Variants in RFX3 observed in about 807,000 individuals in gnomAD.
RFX3 encodes transcription factor RFX3.
In RFX3, 14 loss-of-function variants were observed where a neutral mutation model predicts 98.6. The observed-to-expected ratio is 0.14, with a 90% confidence interval of 0.09 to 0.22. The LOEUF (loss-of-function observed/expected upper bound fraction) is 0.22. RFX3 is among the 10% of genes least tolerant of loss of function. RFX3 has a pLI of 1.00. For synonymous variants in RFX3, 383 were observed against 328.4 expected (o/e 1.17, Z -1.80); for missense variants, 639 against 926.9 (o/e 0.69, Z 4.03).
At chr9:3,229,024 A>G (rs982965903) in intron 15 of RFX3, 135 bp from the exon 16 acceptor site, 1 of 602,146 alleles carries the variant, frequency 1.7e-6, no homozygotes, top group African/African-American at 1.9e-5. Context: ...CTCTAATTAC[A>G]TGGATCACAT....
At chr9:3,266,786 A>T (rs1292262890) in intron 11 of RFX3, among the ~76,000 whole-genome samples, 1 of 152,088 alleles carries the variant, frequency 6.6e-6, no homozygotes, top group East Asian at 1.9e-4. Flanking sequence ...TTTACTTAGA[A>T]TCTGTGAATT....
intron 2 of RFX3, among the ~76,000 whole-genome samples, chr9:3,376,861 C>G (rs1193888251): frequency 3.9e-5 from 6 of 152,148 alleles, no homozygotes; most frequent in Non-Finnish European, 8.8e-5. Context: ...CATCACTGGC[C>G]ATCAGAGAAA....
chr9:3,426,784 C>T (rs1844080093), intron 1 of RFX3, among the ~76,000 whole-genome samples: 1 of 152,190 alleles, frequency 6.6e-6, no homozygotes, highest in Non-Finnish European at 1.5e-5. Context: ...GGGAAACAAA[C>T]TCAGGGCTCC....
intron 7 of RFX3, among the ~76,000 whole-genome samples, chr9:3,285,804 T>A (rs2131553614): frequency 6.6e-6 from 1 of 151,956 alleles, no homozygotes; most frequent in South Asian, 2.1e-4. Context: ...TTATATCATT[T>A]CTGAAATGTC....
At chr9:3,510,054 T>C (rs1238005691) in intron 1 of RFX3, among the ~76,000 whole-genome samples, 1 of 151,970 alleles carries the variant, frequency 6.6e-6, no homozygotes, top group East Asian at 1.9e-4. Context: ...ATTTGGGCCA[T>C]TTGGAAACAT....
rs180736356 is a variant in RFX3, at chr9:3,314,553, C to A, written c.475-12933G>T. On this transcript the variant is annotated intron_variant, in intron 4 of 16. Transcript: ENST00000617270. ...ACCTTAAATGTAAATGGGCCAAATG[C>A]CCCAGTTAAAAGACACAGACTGGCA... Among the ~76,000 whole-genome samples the A allele has an allele frequency of 2.0e-3, 312 of 152,224 alleles. 1 individual carries two copies. The highest frequency in any genetic ancestry group is 7.4e-3 in the African/African-American group (306 of 41,534).
intron 1 of RFX3, among the ~76,000 whole-genome samples, chr9:3,461,922 C>T (rs1448585662): frequency 6.6e-6 from 1 of 151,860 alleles, no homozygotes; most frequent in Non-Finnish European, 1.5e-5. Context: ...AAAGGGAGAA[C>T]ACACCCTTTA....
At chr9:3,458,767 T>G (rs1348495005) in intron 1 of RFX3, among the ~76,000 whole-genome samples, 1 of 152,174 alleles carries the variant, frequency 6.6e-6, no homozygotes, top group Non-Finnish European at 1.5e-5. Flanking sequence ...TAATAGATAT[T>G]TATTATTCTG....
At chr9:3,355,239 G>A (rs1465122362) in intron 2 of RFX3, among the ~76,000 whole-genome samples, 3 of 151,664 alleles carry the variant, frequency 2.0e-5, no homozygotes, top group Non-Finnish European at 4.4e-5. Flanking sequence ...ATAATTACCT[G>A]GAATCTACAA....
At chr9:3,356,426 G>T (rs983556780) in intron 2 of RFX3, among the ~76,000 whole-genome samples, 1 of 151,608 alleles carries the variant, frequency 6.6e-6, no homozygotes, top group Non-Finnish European at 1.5e-5. Flanking sequence ...TTTATAAAAG[G>T]CCTAAATGAC....
chr9:3,417,100 G>A (rs576699632), intron 1 of RFX3, among the ~76,000 whole-genome samples: 4 of 151,898 alleles, frequency 2.6e-5, no homozygotes, highest in African/African-American at 9.7e-5. Context: ...CCAGGAATAA[G>A]AGGAGTCATT....
chr9:3,364,489 G>A (rs1367323465), intron 2 of RFX3: 2 of 218,370 alleles, frequency 9.2e-6, no homozygotes, highest in Non-Finnish European at 1.8e-5. Context: ...CTTTCCAACT[G>A]TATAGATCTC....
chr9:3,370,405 A>T (rs1837706837), intron 2 of RFX3, among the ~76,000 whole-genome samples: 1 of 151,870 alleles, frequency 6.6e-6, no homozygotes, highest in Admixed American at 6.6e-5. Context: ...TCTGTGGTTC[A>T]AAACAGTCTT....
At chr9:3,457,018 G>A (rs540683874) in intron 1 of RFX3, among the ~76,000 whole-genome samples, 2 of 151,990 alleles carry the variant, frequency 1.3e-5, no homozygotes, top group East Asian at 3.9e-4. Context: ...GTATGCACCT[G>A]TAATCCCAGC....
At chr9:3,483,617 T>G (rs1367199612) in intron 1 of RFX3, among the ~76,000 whole-genome samples, 1 of 152,180 alleles carries the variant, frequency 6.6e-6, no homozygotes, top group African/African-American at 2.4e-5. Flanking sequence ...AAGATACTTA[T>G]AAAAGCACAA....
chr9:3,400,028 A>G (rs1459295328), intron 1 of RFX3: 1 of 153,254 alleles, frequency 6.5e-6, no homozygotes, highest in East Asian at 1.9e-4. Context: ...CAGAAAAGTA[A>G]TACCCAAGTT....
At chr9:3,475,565 C>T (rs1478374542) in intron 1 of RFX3, among the ~76,000 whole-genome samples, 1 of 152,154 alleles carries the variant, frequency 6.6e-6, no homozygotes, top group Non-Finnish European at 1.5e-5. Flanking sequence ...TTCTGCATAT[C>T]GCATATACAG....
intron 2 of RFX3, among the ~76,000 whole-genome samples, chr9:3,348,405 C>T (rs1834697061): frequency 6.6e-6 from 1 of 151,858 alleles, no homozygotes; most frequent in South Asian, 2.1e-4. Context: ...TAATAGTATC[C>T]TGCTCCCTAT....
At chr9:3,233,658 G>A (rs1818771318) in intron 15 of RFX3, among the ~76,000 whole-genome samples, 1 of 152,130 alleles carries the variant, frequency 6.6e-6, no homozygotes, top group African/African-American at 2.4e-5. Context: ...CCACCCTGAG[G>A]AGAAAGAATT....
Sources: allele counts gnomAD v4.1 joint callset (sites outside exome capture counted in the v4.1 genomes callset), GRCh38; gene constraint gnomAD v4.1.1; transcripts MANE v1.5; gene names NCBI Gene and HGNC (gene_info 2026-07-23, HGNC 2026-07-21).